The following MACROD2 variants were observed in gnomAD, a reference collection of about 807,000 sequenced individuals.
The protein encoded by MACROD2 is mono-ADP ribosylhydrolase 2.
MACROD2 carries 36 observed loss-of-function variants against 70.4 expected under a neutral mutation model. The ratio of observed to expected loss-of-function variants is 0.51; its 90% CI spans 0.39 to 0.68. The LOEUF (loss-of-function observed/expected upper bound fraction) is 0.68, where lower values mean the gene tolerates loss of function less well. Ranked by LOEUF, MACROD2 falls within the 30% of genes least tolerant of loss-of-function variation. The pLI, the probability that MACROD2 is intolerant of heterozygous loss-of-function variation, is 0.00. For missense variants in MACROD2, 496 were observed against 538.4 expected (o/e 0.92, Z 0.78); for synonymous variants, 172 against 178.8 (o/e 0.96, Z 0.30).
chr20:14,096,449 A>G (rs971662212), intron 3 of MACROD2, among the ~76,000 whole-genome samples: 1 of 147,428 alleles, frequency 6.8e-6, no homozygotes, highest in Non-Finnish European at 1.5e-5. Context: ...TCACCACAAT[A>G]TCCTCCTCCC....
intron 2 of MACROD2, among the ~76,000 whole-genome samples, chr20:14,069,536 G>C (rs2053811679): frequency 6.6e-6 from 1 of 151,402 alleles, no homozygotes; most frequent in South Asian, 2.1e-4. Flanking sequence ...CTGCAGTAGA[G>C]AAATGTATTA....
At chr20:15,172,892 C>T (rs1158795739) in intron 5 of MACROD2, among the ~76,000 whole-genome samples, 1 of 152,166 alleles carries the variant, frequency 6.6e-6, no homozygotes, top group Non-Finnish European at 1.5e-5. Context: ...TACTATTTTA[C>T]TAATCTGTAA....
At chr20:15,083,324 G>GAC (rs1249629025) in intron 5 of MACROD2, among the ~76,000 whole-genome samples, 1 of 152,122 alleles carries the variant, frequency 6.6e-6, no homozygotes, top group Non-Finnish European at 1.5e-5. Flanking sequence ...TAACCAAGCA[G>GAC]ACACACACCC....
intron 5 of MACROD2, among the ~76,000 whole-genome samples, chr20:14,858,928 A>T (rs1409850419): frequency 1.3e-5 from 2 of 152,128 alleles, no homozygotes; most frequent in Non-Finnish European, 2.9e-5. Flanking sequence ...CAGAACATGA[A>T]GTACTAATTT....
intron 3 of MACROD2, among the ~76,000 whole-genome samples, chr20:14,269,696 G>T (rs969369499): frequency 6.6e-6 from 1 of 151,944 alleles, no homozygotes; most frequent in Non-Finnish European, 1.5e-5. Flanking sequence ...AATAATGCAT[G>T]GTTTACTGGA....
chr20:14,369,538 G>C (rs971659756), intron 3 of MACROD2, among the ~76,000 whole-genome samples: 2 of 152,114 alleles, frequency 1.3e-5, no homozygotes, highest in Admixed American at 1.3e-4. Context: ...AGTTTTGTTA[G>C]AGTTGATTCT....
intron 8 of MACROD2, among the ~76,000 whole-genome samples, chr20:15,511,291 A>T (rs1019923728): frequency 2.0e-5 from 3 of 152,226 alleles, no homozygotes; most frequent in Admixed American, 1.3e-4. Flanking sequence ...AATAAGACAT[A>T]TGAATTCTCT....
chr20:15,928,120 G>A (rs1393106421), intron 10 of MACROD2, among the ~76,000 whole-genome samples: 1 of 152,190 alleles, frequency 6.6e-6, no homozygotes, highest in African/African-American at 2.4e-5. Flanking sequence ...TGGTTGTATT[G>A]TGGTTATGAA....
intron 5 of MACROD2, among the ~76,000 whole-genome samples, chr20:15,178,604 G>T (rs1467536513): frequency 6.6e-6 from 1 of 152,136 alleles, no homozygotes; most frequent in Non-Finnish European, 1.5e-5. Context: ...CCTGAAAATG[G>T]GATCTGATGT....
intron 5 of MACROD2, among the ~76,000 whole-genome samples, chr20:15,117,422 T>G (rs2075998835): frequency 1.3e-5 from 2 of 152,234 alleles, no homozygotes; most frequent in African/African-American, 4.8e-5. Flanking sequence ...AACATGGAAC[T>G]GAACATGGTC....
chr20:14,602,131 C>T (rs1982538710), intron 4 of MACROD2, among the ~76,000 whole-genome samples: 2 of 152,020 alleles, frequency 1.3e-5, no homozygotes, highest in African/African-American at 4.8e-5. Context: ...GTGAGGAGGG[C>T]AGAATTTATT....
intron 5 of MACROD2, among the ~76,000 whole-genome samples, chr20:14,746,592 A>G (rs375830125): frequency 1.3e-5 from 2 of 152,240 alleles, no homozygotes; most frequent in African/African-American, 2.4e-5. Context: ...ATTTCATTCT[A>G]TTGCCTTCAT....
At chr20:14,885,228 A>G (rs1217330940) in intron 5 of MACROD2, among the ~76,000 whole-genome samples, 1 of 152,146 alleles carries the variant, frequency 6.6e-6, no homozygotes, top group African/African-American at 2.4e-5. Flanking sequence ...CAAGCCAGAA[A>G]CTCAGTCATC....
chr20:14,850,068 C>A (rs768287554), intron 5 of MACROD2: 12 of 474,096 alleles, frequency 2.5e-5, no homozygotes, highest in Non-Finnish European at 5.0e-5. Context: ...TTAATGAAAT[C>A]TCAATACTTG....
intron 10 of MACROD2, among the ~76,000 whole-genome samples, chr20:15,932,175 G>A (rs927933394): frequency 2.6e-5 from 4 of 152,130 alleles, no homozygotes; most frequent in African/African-American, 9.7e-5. Flanking sequence ...TGGCTCACAG[G>A]TCTGGCCCTT....
intron 5 of MACROD2, among the ~76,000 whole-genome samples, chr20:15,054,092 A>T (rs1381357683): frequency 6.6e-6 from 1 of 152,224 alleles, no homozygotes; most frequent in Non-Finnish European, 1.5e-5. Flanking sequence ...CTTCTTACGG[A>T]TGAGCAAAGA....
At chr20:14,715,771 T>G (rs890300106) in intron 5 of MACROD2, among the ~76,000 whole-genome samples, 10 of 152,180 alleles carry the variant, frequency 6.6e-5, no homozygotes, top group Non-Finnish European at 1.0e-4. Flanking sequence ...TTGATTGTAG[T>G]TTTTAAGTTA....
chr20:14,799,839 G>A (rs566427408), intron 5 of MACROD2, among the ~76,000 whole-genome samples: 4 of 152,218 alleles, frequency 2.6e-5, no homozygotes, highest in African/African-American at 9.6e-5. Context: ...TTAACTTACA[G>A]GGTCAAGGGT....
At chr20:14,078,880 G>A (rs1036611121) in intron 2 of MACROD2, among the ~76,000 whole-genome samples, 1 of 152,068 alleles carries the variant, frequency 6.6e-6, no homozygotes, top group Non-Finnish European at 1.5e-5. Context: ...GGTTATATTT[G>A]TATGGGTAAA....
Sources: allele counts gnomAD v4.1 joint callset (sites outside exome capture counted in the v4.1 genomes callset), GRCh38; gene constraint gnomAD v4.1.1; transcripts MANE v1.5; gene names NCBI Gene and HGNC (gene_info 2026-07-23, HGNC 2026-07-21).